TOPAZ1: variants seen among roughly 807,000 people sequenced by gnomAD.
TOPAZ1 encodes testis and ovary specific TOPAZ 1, also known as protein TOPAZ1.
In TOPAZ1, 66 loss-of-function variants were observed where a neutral mutation model predicts 172.2. That is an observed-to-expected ratio of 0.38 (90% CI 0.31 to 0.47). TOPAZ1 has a LOEUF of 0.47. Among genes scored for constraint, TOPAZ1 ranks in the 20% least tolerant of loss-of-function variants. The pLI is 0.99. For missense variants in TOPAZ1, 1,822 were observed against 1,972.4 expected (o/e 0.92, Z 1.44); for synonymous variants, 681 against 683.9 (o/e 1.00, Z 0.07).
chr3:44,284,651 G>C (rs1157050074), intron 9 of TOPAZ1, among the ~76,000 whole-genome samples: 1 of 152,078 alleles, frequency 6.6e-6, no homozygotes, highest in Non-Finnish European at 1.5e-5. Flanking sequence ...AAAACTATAG[G>C]TCCTGTTTTA....
At chr3:44,313,378 G>A (rs1037294732) in intron 16 of TOPAZ1, among the ~76,000 whole-genome samples, 4 of 152,078 alleles carry the variant, frequency 2.6e-5, no homozygotes, top group South Asian at 2.1e-4. Context: ...TTGGGAGGCC[G>A]AGGCGGGCGG....
downstream of TOPAZ1, among the ~76,000 whole-genome samples, chr3:44,333,832 TTAGA>T (rs1032802871): frequency 8.5e-5 from 13 of 152,232 alleles, no homozygotes; most frequent in African/African-American, 2.2e-4. Context: ...GGAAGTTTCA[TTAGA>T]TAGATAGGAG....
Position 44,276,624 on chromosome 3 carries a change from C to CTTTTTTTTTTTTTT in TOPAZ1, c.3373-5328_3373-5315dup, listed in dbSNP as rs762865769. ...GTAGTTTAATGCCTCCAGCTTTGTTCTTTTTTTTTTTTTTTTTTTTTTTTT... is the reference window on the plus strand; with the variant it reads ...GTAGTTTAATGCCTCCAGCTTTGTTCTTTTTTTTTTTTTTTTTTTTTTTTTTTTTTTTTTTTTTT... On this transcript the variant is annotated intron_variant, in intron 8 of 19. Coordinates refer to ENST00000309765, the MANE Select transcript of TOPAZ1 (RefSeq NM_001145030.2). Among the ~76,000 whole-genome samples, 70 of 24,108 alleles carry CTTTTTTTTTTTTTT rather than the reference C, an allele frequency of 2.9e-3. 12 individuals are homozygous for CTTTTTTTTTTTTTT. Among genetic ancestry groups the CTTTTTTTTTTTTTT allele is most frequent in the African/African-American group, 4.1e-3 (22 of 5,324 alleles). 15.8% of individuals were successfully genotyped at this position (24,108 alleles called of 152,430 possible). A position where few individuals can be genotyped will look rare whatever the true frequency, so the allele number is the denominator to read the frequency against.
At chr3:44,256,067 C>G in intron 3 of TOPAZ1, 84 bp from the exon 4 acceptor site, 1 of 1,065,058 alleles carries the variant, frequency 9.4e-7, no homozygotes, top group Non-Finnish European at 1.3e-6. Context: ...CCTCTGAATT[C>G]TGAGTCATTT....
chr3:44,289,941 T>C (rs1700118459), intron 11 of TOPAZ1, among the ~76,000 whole-genome samples: 1 of 152,172 alleles, frequency 6.6e-6, no homozygotes. Context: ...AAAATATTGC[T>C]CAGAGAATTT....
At chr3:44,275,599 A>G (rs550178011) in intron 8 of TOPAZ1, among the ~76,000 whole-genome samples, 1 of 152,082 alleles carries the variant, frequency 6.6e-6, no homozygotes, top group South Asian at 2.1e-4. Flanking sequence ...TCATTGATCT[A>G]TTGATGGACT....
chr3:44,297,305 A>G (rs1700211322), intron 12 of TOPAZ1, among the ~76,000 whole-genome samples: 1 of 152,216 alleles, frequency 6.6e-6, no homozygotes. Flanking sequence ...CCATTATCAA[A>G]CAGGGTTTAT....
chr3:44,287,996 T>TA (rs1700098220), intron 11 of TOPAZ1, among the ~76,000 whole-genome samples, 157 bp downstream of exon 11: 2 of 152,054 alleles, frequency 1.3e-5, no homozygotes, highest in South Asian at 2.1e-4. Flanking sequence ...ATAGGGTTTA[T>TA]AAAAAAAGAA....
chr3:44,314,223 G>A (rs1490628427), intron 16 of TOPAZ1, among the ~76,000 whole-genome samples: 4 of 151,918 alleles, frequency 2.6e-5, no homozygotes, highest in Admixed American at 1.3e-4. Flanking sequence ...CACTGCACCC[G>A]GCCAACTTTG....
At chr3:44,286,745 G>A (rs1700084496) in intron 9 of TOPAZ1, among the ~76,000 whole-genome samples, 1 of 152,098 alleles carries the variant, frequency 6.6e-6, no homozygotes, top group Non-Finnish European at 1.5e-5. Context: ...AATGATCAAT[G>A]AAAGAATCCT....
At chr3:44,265,485 G>A (rs774837284) in intron 5 of TOPAZ1, among the ~76,000 whole-genome samples, 72 of 152,164 alleles carry the variant, frequency 4.7e-4, no homozygotes, top group Non-Finnish European at 9.4e-4. Context: ...GAACCCAGGA[G>A]GGGGAGGTTG....
At chr3:44,293,265 A>G (rs929793693) in intron 12 of TOPAZ1, among the ~76,000 whole-genome samples, 5 of 152,210 alleles carry the variant, frequency 3.3e-5, no homozygotes, top group Non-Finnish European at 4.4e-5. Context: ...TATTTACTGT[A>G]CTTTATTATT....
At chr3:44,286,154 G>A (rs1267843851) in intron 9 of TOPAZ1, among the ~76,000 whole-genome samples, 1 of 151,546 alleles carries the variant, frequency 6.6e-6, no homozygotes, top group African/African-American at 2.4e-5. Flanking sequence ...GGCAGAGGTT[G>A]CAGTGAGCTG....
At chr3:44,303,828 G>A (rs914352441) in intron 12 of TOPAZ1, among the ~76,000 whole-genome samples, 187 bp from the exon 13 acceptor site, 1 of 152,048 alleles carries the variant, frequency 6.6e-6, no homozygotes, top group Non-Finnish European at 1.5e-5. Flanking sequence ...TTGTTTTGGG[G>A]AGGAAATAGT....
chr3:44,253,585 G>T (rs886940921), intron 2 of TOPAZ1, among the ~76,000 whole-genome samples: 1 of 152,134 alleles, frequency 6.6e-6, no homozygotes, highest in Non-Finnish European at 1.5e-5. Flanking sequence ...TAGACATTTT[G>T]AGTTGAAGAG....
chr3:44,269,706 T>C (rs1699874741), intron 7 of TOPAZ1, among the ~76,000 whole-genome samples: 1 of 151,832 alleles, frequency 6.6e-6, no homozygotes, highest in Admixed American at 6.6e-5. Context: ...CTGCAACCTC[T>C]GCCTCCTGGG....
chr3:44,318,490 G>C (rs1298404551), intron 16 of TOPAZ1, among the ~76,000 whole-genome samples: 3 of 151,318 alleles, frequency 2.0e-5, no homozygotes, highest in African/African-American at 7.3e-5. Context: ...GCCACGGTGG[G>C]GGGTGGGGGA....
chr3:44,334,274 T>A (rs1027997552), downstream of TOPAZ1, among the ~76,000 whole-genome samples: 2 of 152,204 alleles, frequency 1.3e-5, no homozygotes, highest in African/African-American at 4.8e-5. Context: ...TTTGACCCTT[T>A]CGAATCCCCC....
At chr3:44,251,264 G>A (rs569963934) in intron 2 of TOPAZ1, among the ~76,000 whole-genome samples, 1 of 152,182 alleles carries the variant, frequency 6.6e-6, no homozygotes, top group African/African-American at 2.4e-5. Flanking sequence ...GGGGCTACAG[G>A]TGCATGCCGC....
Sources: allele counts gnomAD v4.1 joint callset (sites outside exome capture counted in the v4.1 genomes callset), GRCh38; gene constraint gnomAD v4.1.1; transcripts MANE v1.5; gene names NCBI Gene and HGNC (gene_info 2026-07-23, HGNC 2026-07-21).